The following CRPPA variants were observed in gnomAD, a reference collection of about 807,000 sequenced individuals.
CRPPA encodes D-ribitol-5-phosphate cytidylyltransferase.
In CRPPA, 43 loss-of-function variants were observed where a neutral mutation model predicts 52.0. That is an observed-to-expected ratio of 0.83 (90% CI 0.65 to 1.07). The LOEUF (loss-of-function observed/expected upper bound fraction) is 1.07, where lower values mean the gene tolerates loss of function less well. Ranked by LOEUF, CRPPA falls within the 50% of genes least tolerant of loss-of-function variation. The pLI is 0.00. For missense variants in CRPPA, 629 were observed against 551.7 expected, an observed-to-expected ratio of 1.14 and a Z score of -1.40; for synonymous variants, 250 against 203.5, an observed-to-expected ratio of 1.23 and a Z score of -1.94.
At chr7:16,130,793 C>G (rs576523948) in intron 9 of CRPPA, among the ~76,000 whole-genome samples, 1 of 152,226 alleles carries the variant, frequency 6.6e-6, no homozygotes, top group East Asian at 1.9e-4. Context: ...ATATCTGTGT[C>G]CCCCAAAATT....
intron 2 of CRPPA, among the ~76,000 whole-genome samples, chr7:16,388,567 T>C (rs1429135631): frequency 6.6e-6 from 1 of 152,118 alleles, no homozygotes; most frequent in Non-Finnish European, 1.5e-5. Context: ...AAGCCAAATA[T>C]GGTTCTCTTA....
chr7:16,348,238 G>A (rs1191516021), intron 3 of CRPPA, among the ~76,000 whole-genome samples: 1 of 152,108 alleles, frequency 6.6e-6, no homozygotes, highest in African/African-American at 2.4e-5. Flanking sequence ...TCCATTGAAT[G>A]CTCAACTTTT....
At chr7:16,325,857 A>G (rs1018922985) in intron 3 of CRPPA, among the ~76,000 whole-genome samples, 1 of 152,100 alleles carries the variant, frequency 6.6e-6, no homozygotes, top group Non-Finnish European at 1.5e-5. Flanking sequence ...CACAACTAAC[A>G]TCAACAGGAA....
Position 16,094,417 on chromosome 7 carries a change from C to G in CRPPA, c.1252-2618G>C, listed in dbSNP as rs142583007. Among the ~76,000 whole-genome samples, 440 of 152,180 alleles carry G rather than the reference C, an allele frequency of 2.9e-3. 2 individuals are homozygous for G. The highest frequency in any genetic ancestry group is 9.5e-3 in the African/African-American group (394 of 41,536). On this transcript the variant is annotated intron_variant, in intron 9 of 9. Transcript: ENST00000407010. ...ATCTCAAAATTTCCTATCTCTAGAA[C>G]AGTATTAACACAGGAAAAAAATGCA...
intron 3 of CRPPA, among the ~76,000 whole-genome samples, chr7:16,357,045 T>G (rs1786313538): frequency 6.6e-6 from 1 of 152,224 alleles, no homozygotes; most frequent in African/African-American, 2.4e-5. Context: ...CAGCAACTGC[T>G]GAAGTATCTG....
chr7:16,407,904 C>T (rs562995287), intron 1 of CRPPA, among the ~76,000 whole-genome samples: 4 of 151,932 alleles, frequency 2.6e-5, no homozygotes, highest in East Asian at 1.9e-4. Flanking sequence ...ATCAGGAGTT[C>T]GAGACCAGCC....
chr7:16,383,718 C>G (rs548414348), intron 2 of CRPPA, among the ~76,000 whole-genome samples: 1 of 152,244 alleles, frequency 6.6e-6, no homozygotes, highest in Non-Finnish European at 1.5e-5. Context: ...CCTCCCCCAG[C>G]CTCGCTGCCA....
chr7:16,397,340 A>G (rs1413002715), intron 2 of CRPPA, among the ~76,000 whole-genome samples: 1 of 152,202 alleles, frequency 6.6e-6, no homozygotes, highest in Non-Finnish European at 1.5e-5. Context: ...TGACATGACC[A>G]ACATGTGTTA....
At chr7:16,151,692 C>A (rs2128378974) in intron 9 of CRPPA, among the ~76,000 whole-genome samples, 1 of 152,070 alleles carries the variant, frequency 6.6e-6, no homozygotes, top group African/African-American at 2.4e-5. Flanking sequence ...CATGTACATA[C>A]TTTACAAATT....
At chr7:16,217,616 G>A (rs1422583734) in intron 8 of CRPPA, among the ~76,000 whole-genome samples, 3 of 146,732 alleles carry the variant, frequency 2.0e-5, no homozygotes, top group East Asian at 4.0e-4. Flanking sequence ...GGAGCTGAAA[G>A]CCAAGGCTCG....
At chr7:16,259,057 A>C in intron 6 of CRPPA, 45 bp from the exon 7 acceptor site, 1 of 1,291,288 alleles carries the variant, frequency 7.7e-7, no homozygotes, top group Non-Finnish European at 1.1e-6. Flanking sequence ...AGATAGACCA[A>C]ACATAAACAT....
intron 1 of CRPPA, among the ~76,000 whole-genome samples, chr7:16,417,880 T>A (rs531248914): frequency 1.3e-5 from 2 of 152,300 alleles, no homozygotes; most frequent in South Asian, 4.1e-4. Flanking sequence ...CCTAAATGAT[T>A]GACAGTGGTG....
chr7:16,097,166 G>A (rs1439225024), intron 9 of CRPPA, among the ~76,000 whole-genome samples: 2 of 151,814 alleles, frequency 1.3e-5, no homozygotes, highest in Non-Finnish European at 2.9e-5. Flanking sequence ...TCAGTAAAAG[G>A]CCCCTAAAGG....
In CRPPA at chr7:16,089,269, TA is replaced by T. The variant is rs1781766472; in HGVS notation, c.*2425del. ...ATATATGTGTGTATGCGTACGTATATACATATATGTGTGTATGCGTACGTAT... is the reference window on the plus strand; with the variant it reads ...ATATATGTGTGTATGCGTACGTATATCATATATGTGTGTATGCGTACGTAT... On this transcript the variant is annotated 3_prime_UTR_variant, in exon 10 of 10. Coordinates refer to ENST00000407010, the MANE Select transcript of CRPPA (RefSeq NM_001101426.4). 1 of 360,496 alleles carries T rather than the reference TA, an allele frequency of 2.8e-6. No individual in the cohort carries two copies. Among genetic ancestry groups the T allele is most frequent in the Non-Finnish European group, 5.7e-6 (1 of 174,224 alleles). 22.3% of individuals were successfully genotyped at this position (360,496 alleles called of 1,614,324 possible). A position where few individuals can be genotyped will look rare whatever the true frequency, so the allele number is the denominator to read the frequency against.
chr7:16,283,267 A>T (rs1784355505), intron 5 of CRPPA, among the ~76,000 whole-genome samples: 1 of 145,992 alleles, frequency 6.8e-6, no homozygotes. Flanking sequence ...TATATATATA[A>T]ATGATACTAT....
intron 9 of CRPPA, among the ~76,000 whole-genome samples, chr7:16,182,491 T>C (rs1482253981): frequency 1.3e-5 from 2 of 152,158 alleles, no homozygotes; most frequent in Non-Finnish European, 2.9e-5. Context: ...AGGTGCTTTA[T>C]ATCCAAAGTG....
At chr7:16,163,240 C>T (rs527477820) in intron 9 of CRPPA, among the ~76,000 whole-genome samples, 3 of 152,184 alleles carry the variant, frequency 2.0e-5, no homozygotes, top group East Asian at 3.9e-4. Flanking sequence ...TCCCAAAGTG[C>T]TGGGATTACA....
At chr7:16,348,823 C>G (rs1445012160) in intron 3 of CRPPA, among the ~76,000 whole-genome samples, 1 of 152,204 alleles carries the variant, frequency 6.6e-6, no homozygotes, top group Non-Finnish European at 1.5e-5. Flanking sequence ...GGTCTACCCA[C>G]TCTTCTTAGA....
chr7:16,396,605 G>A (rs573420245), intron 2 of CRPPA, among the ~76,000 whole-genome samples: 13 of 152,168 alleles, frequency 8.5e-5, no homozygotes, highest in African/African-American at 2.4e-4. Context: ...GTCATTGTAC[G>A]AAAAAGATAC....
Sources: gnomAD v4.1 joint callset for allele counts (sites outside exome capture counted in the v4.1 genomes callset) on GRCh38, gnomAD v4.1.1 for gene constraint, MANE v1.5 for transcripts, NCBI Gene and HGNC (gene_info 2026-07-23, HGNC 2026-07-21) for gene names.